Variants in TEKT5 observed in about 807,000 individuals in gnomAD.
TEKT5 encodes the protein tektin 5.
In TEKT5, 52 loss-of-function variants were observed where a neutral mutation model predicts 48.7. The observed-to-expected ratio is 1.07, with a 90% CI of 0.86 to 1.35. The LOEUF (loss-of-function observed/expected upper bound fraction) is 1.35. TEKT5 is among the 40% of genes most tolerant of loss of function. The pLI, the probability that TEKT5 is intolerant of heterozygous loss-of-function variation, is 0.00. For synonymous variants in TEKT5, 318 were observed against 267.6 expected, an observed-to-expected ratio of 1.19 and a Z score of -1.84; for missense variants, 831 against 641.6, an observed-to-expected ratio of 1.30 and a Z score of -3.19.
At chr16:10,668,882 G>A (rs1007654604) in intron 5 of TEKT5, among the ~76,000 whole-genome samples, 1 of 152,116 alleles carries the variant, frequency 6.6e-6, no homozygotes, top group Non-Finnish European at 1.5e-5. Context: ...TGAGGGAAGC[G>A]TGCTGTAATA....
At position 10,693,914 on chromosome 16, in the gene TEKT5, G is replaced by A. The variant is rs528170803; in HGVS notation, c.564+396C>T. Among the ~76,000 whole-genome samples the A allele has an allele frequency of 9.2e-5, 14 of 152,300 alleles. No individual in the cohort carries two copies. The East Asian group carries it at 1.7e-3, about 19-fold the overall frequency. ...GAACCCAGGAGGCGGAAGTCGCAGC[G>A]AGCCAAGATCGAGCCACTGCACTCC... On this transcript the variant is annotated intron_variant, in intron 1 of 6. Transcript: ENST00000283025.
intron 5 of TEKT5, among the ~76,000 whole-genome samples, chr16:10,658,042 C>A (rs1898292816): frequency 6.6e-6 from 1 of 152,138 alleles, no homozygotes; most frequent in African/African-American, 2.4e-5. Context: ...TCATTACTCA[C>A]CCACAAAAGA....
chr16:10,678,725 G>A (rs1439812728), intron 4 of TEKT5, among the ~76,000 whole-genome samples: 1 of 152,202 alleles, frequency 6.6e-6, no homozygotes, highest in Non-Finnish European at 1.5e-5. Flanking sequence ...CCTCTGAATG[G>A]GGGGACAGTG....
rs770585435 is a variant in TEKT5 at position 10,676,116 on chromosome 16, C to T, written c.929G>A (p.Arg310Gln). The T allele has an allele frequency of 7.4e-6, 12 of 1,614,196 alleles. No homozygotes were observed. In the South Asian group the frequency reaches 7.7e-5, roughly 10 times the overall value. The change falls in exon 5 of 7, where the codon CGG (arginine) becomes CAG (glutamine). Residue 310 changes from arginine to glutamine, a missense_variant. Physicochemically the swap from Arg to Gln is conservative, Grantham distance 43 (BLOSUM62 1). Coordinates refer to ENST00000283025, the MANE Select transcript of TEKT5 (RefSeq NM_144674.2). ...NDNIKHSQNM[R>Q]ANSIQLREEA... is the part of the protein sequence containing the mutation. ...CTCCCGCAGCTGGATGGAGTTGGCC[C>T]GCATGTTCTGAGAGTGTTTGATGTT...
chr16:10,652,764 A>AGGC (rs60499600), intron 5 of TEKT5, among the ~76,000 whole-genome samples: 27 of 21,574 alleles, frequency 1.3e-3, no homozygotes, highest in Non-Finnish European at 2.3e-3. Flanking sequence ...ATACACAGGC[A>AGGC]AACACACACA....
Position 10,635,918 on chromosome 16 carries a change from T to C in TEKT5, c.1087A>G (p.Thr363Ala), listed in dbSNP as rs1412832193. 4.3e-6 allele frequency: 7 copies of C among 1,613,418 alleles called. No homozygotes were observed. The highest frequency in any genetic ancestry group is 1.7e-5 in the Admixed American group (1 of 59,998). Reference sequence around the variant, plus strand: ...TCGGCCTGGAAGATCTCCTGCAGCGTCTGCGAGGGAACACACAGGTGTCAC... The same window carrying C: ...TCGGCCTGGAAGATCTCCTGCAGCGCCTGCGAGGGAACACACAGGTGTCAC... ...KNKLQTQLAK[T>A]LQEIFQAENT... The change falls in exon 6 of 7, where the codon ACG becomes GCG. Residue 363 changes from threonine (T) to alanine (A), a missense_variant and splice_region_variant. Physicochemically the swap from Thr to Ala is moderately conservative, Grantham distance 58. Transcript: ENST00000283025.
At position 10,689,202 on chromosome 16, in the gene TEKT5, T is replaced by C. The variant is rs751622379; in HGVS notation, c.719+51A>G. On this transcript the variant is annotated intron_variant, in intron 3 of 6. Coordinates refer to ENST00000283025, the MANE Select transcript of TEKT5 (RefSeq NM_144674.2). ...GGCTTGTCCCCCAGAAATCTGAGAG[T>C]CCTAAAACAAACCCCAAGGAGAGGG... 10 of 1,478,396 alleles carry C rather than the reference T, an allele frequency of 6.8e-6. No individual in the cohort carries two copies. The East Asian group carries it at 1.7e-4, about 25-fold the overall frequency. 91.6% of individuals were successfully genotyped at this position (1,478,396 alleles called of 1,614,324 possible). A position where few individuals can be genotyped will look rare whatever the true frequency, so the allele number is the denominator to read the frequency against.
chr16:10,689,088 C>CT (rs553006343), intron 3 of TEKT5, among the ~76,000 whole-genome samples, 165 bp downstream of exon 3: 360 of 147,670 alleles, frequency 2.4e-3, no homozygotes, highest in African/African-American at 7.6e-3. Context: ...GATCAGGACT[C>CT]TTTTTTTTTT....
At chr16:10,636,920 GATTCTCCTGCC>G (rs1360067185) in intron 5 of TEKT5, among the ~76,000 whole-genome samples, 1 of 150,002 alleles carries the variant, frequency 6.7e-6, no homozygotes, top group African/African-American at 2.5e-5. Flanking sequence ...AAGTTCAAGT[GATTCTCCTGCC>G]TCAGTCTCCC....
chr16:10,666,209 C>T (rs761553071), intron 5 of TEKT5, among the ~76,000 whole-genome samples: 100 of 152,294 alleles, frequency 6.6e-4, no homozygotes, highest in Non-Finnish European at 1.4e-3. Context: ...TTCTTCCTAT[C>T]TTCTGGAATC....
rs879793949 is a variant in TEKT5 at position 10,682,060 on chromosome 16, A to C, written c.796T>G (p.Cys266Gly). Residue 266 changes from cysteine (C) to glycine (G), a missense_variant, in exon 4 of 7, where the codon TGC becomes GGC. Coordinates refer to ENST00000283025, the MANE Select transcript of TEKT5 (RefSeq NM_144674.2). ...KSSAQCIDEK[C>G]FNLRNTSDCI... ...TCTGACGTATTTCTCAGGTTAAAGCACTTCTCATCGATACACTGGGCCGAG... is the reference window on the plus strand; with the variant it reads ...TCTGACGTATTTCTCAGGTTAAAGCCCTTCTCATCGATACACTGGGCCGAG... 4 of 1,614,094 alleles carry C rather than the reference A, an allele frequency of 2.5e-6. No homozygotes were observed. Among genetic ancestry groups the C allele is most frequent in the Non-Finnish European group, 3.4e-6 (4 of 1,180,012 alleles).
chr16:10,690,705 T>C (rs1898957115), intron 1 of TEKT5: 2 of 985,264 alleles, frequency 2.0e-6, no homozygotes, highest in South Asian at 4.7e-5. Context: ...ACAACTCTCA[T>C]GCAGACCTGG....
chr16:10,682,241 AC>A, intron 3 of TEKT5, 105 bp from the exon 4 acceptor site: 1 of 1,350,876 alleles, frequency 7.4e-7, no homozygotes, highest in Non-Finnish European at 1.0e-6. Context: ...CCAGAAAGCC[AC>A]CCAGTAGCTT....
rs181837836 is a variant in TEKT5 at position 10,687,288 on chromosome 16, T to G, written c.719+1965A>C. On this transcript the variant is annotated intron_variant, in intron 3 of 6. Coordinates refer to ENST00000283025, the MANE Select transcript of TEKT5 (RefSeq NM_144674.2). Reference sequence around the variant, plus strand: ...TTCCAATTAGTTCAATGTTTTGAAATACACACGTAATTTCAGAACATCATG... The same window carrying G: ...TTCCAATTAGTTCAATGTTTTGAAAGACACACGTAATTTCAGAACATCATG... Among the ~76,000 whole-genome samples the G allele has an allele frequency of 5.8e-3, 888 of 152,318 alleles. 6 individuals carry two copies. Among genetic ancestry groups the G allele is most frequent in the Non-Finnish European group, 0.01 (689 of 68,034 alleles).
At chr16:10,689,408 C>T in intron 2 of TEKT5, 85 bp from the exon 3 acceptor site, 1 of 1,215,474 alleles carries the variant, frequency 8.2e-7, no homozygotes. Context: ...GCTCTCCCCT[C>T]CCCTCTCACT....
chr16:10,668,672 G>A (rs1279496629), intron 5 of TEKT5, among the ~76,000 whole-genome samples: 1 of 152,184 alleles, frequency 6.6e-6, no homozygotes, highest in African/African-American at 2.4e-5. Flanking sequence ...TGCTAACAAT[G>A]GCTGCTTGGG....
chr16:10,666,438 G>A (rs751086873), intron 5 of TEKT5, among the ~76,000 whole-genome samples: 3 of 152,136 alleles, frequency 2.0e-5, no homozygotes, highest in East Asian at 1.9e-4. Context: ...GCCCTGCGCC[G>A]TGTGGGATGT....
chr16:10,681,350 G>A (rs1898744325), intron 4 of TEKT5, among the ~76,000 whole-genome samples: 2 of 151,230 alleles, frequency 1.3e-5, no homozygotes, highest in African/African-American at 2.4e-5. Flanking sequence ...TTGAAGCCAC[G>A]TAGCCTGGCT....
At chr16:10,651,450 G>A (rs1278554228) in intron 5 of TEKT5, among the ~76,000 whole-genome samples, 5 of 152,066 alleles carry the variant, frequency 3.3e-5, no homozygotes, top group Non-Finnish European at 5.9e-5. Context: ...GGTCTGTTTT[G>A]CTCCCTTCTG....
Sources: gnomAD v4.1 joint callset for allele counts (sites outside exome capture counted in the v4.1 genomes callset) on GRCh38, gnomAD v4.1.1 for gene constraint, MANE v1.5 for transcripts, NCBI Gene and HGNC (gene_info 2026-07-23, HGNC 2026-07-21) for gene names.